Variants in DIAPH2 observed in about 807,000 individuals in gnomAD.
DIAPH2 encodes diaphanous related formin 2.
DIAPH2 carries 35 observed loss-of-function variants against 92.7 expected under a neutral mutation model. That is an observed-to-expected ratio of 0.38 (90% CI 0.29 to 0.50). The LOEUF is 0.50. Among genes scored for constraint, DIAPH2 ranks in the 20% least tolerant of loss-of-function variants. DIAPH2 has a pLI of 0.94. For missense variants in DIAPH2, 701 were observed against 819.5 expected, an observed-to-expected ratio of 0.86 and a Z score of 1.77; for synonymous variants, 301 against 280.4, an observed-to-expected ratio of 1.07 and a Z score of -0.73.
At chrX:97,232,344 C>T (rs1320445888) in intron 22 of DIAPH2, among the ~76,000 whole-genome samples, 1 of 111,638 alleles carries the variant, frequency 9.0e-6, no homozygotes, top group Non-Finnish European at 1.9e-5. Flanking sequence ...AAGCGATTCT[C>T]CTGTCTCAGC....
At chrX:96,907,927 C>G (rs1308704221) in intron 5 of DIAPH2, among the ~76,000 whole-genome samples, 1 of 111,849 alleles carries the variant, frequency 8.9e-6, no homozygotes, top group African/African-American at 3.2e-5. Flanking sequence ...TATATTCATA[C>G]AGTAACAAGG....
chrX:97,153,050 T>C (rs1602377824), intron 22 of DIAPH2, among the ~76,000 whole-genome samples: 1 of 112,024 alleles, frequency 8.9e-6, no homozygotes, highest in East Asian at 2.8e-4. Context: ...AGTTTGGCCA[T>C]ATAACCTCTC....
intron 10 of DIAPH2, among the ~76,000 whole-genome samples, chrX:96,931,057 G>A (rs2065615987): frequency 9.0e-6 from 1 of 111,613 alleles, no homozygotes; most frequent in African/African-American, 3.2e-5. Context: ...GAAGCGATGT[G>A]TTTTTGTTTT....
At chrX:97,335,857 ACTT>A (rs1461093316) in intron 23 of DIAPH2, among the ~76,000 whole-genome samples, 1 of 111,437 alleles carries the variant, frequency 9.0e-6, no homozygotes. Context: ...TGATCCTACC[ACTT>A]CTTTGTTTAA....
chrX:96,802,257 C>T (rs1369874856), intron 4 of DIAPH2, among the ~76,000 whole-genome samples: 1 of 111,588 alleles, frequency 9.0e-6, no homozygotes, highest in Non-Finnish European at 1.9e-5. Context: ...TCTAATAAGC[C>T]GTAAATATTT....
intron 11 of DIAPH2, 145 bp downstream of exon 11, chrX:96,937,496 T>A (rs2065665139): frequency 2.9e-6 from 1 of 350,837 alleles, no homozygotes; most frequent in Admixed American, 4.9e-5. Context: ...TATGATGCTG[T>A]CCTTGAGATT....
chrX:97,351,974 T>C (rs895644630), intron 24 of DIAPH2, among the ~76,000 whole-genome samples: 3 of 110,965 alleles, frequency 2.7e-5, no homozygotes, highest in Non-Finnish European at 5.7e-5. Flanking sequence ...TGTTTCATAG[T>C]GAACTTGAAG....
chrX:97,554,072 C>G (rs1437989286), intron 26 of DIAPH2, among the ~76,000 whole-genome samples: 1 of 111,301 alleles, frequency 9.0e-6, no homozygotes, highest in Non-Finnish European at 1.9e-5. Context: ...TTCATATTCT[C>G]CAGCCTCCGT....
At chrX:97,359,547 T>C (rs1367409729) in intron 24 of DIAPH2, among the ~76,000 whole-genome samples, 3 of 107,704 alleles carry the variant, frequency 2.8e-5, no homozygotes, top group Non-Finnish European at 5.7e-5. Context: ...AACTGCTTTT[T>C]AAAGATCTGA....
At chrX:96,968,574 G>T (rs2065908345) in intron 17 of DIAPH2, among the ~76,000 whole-genome samples, 1 of 111,350 alleles carries the variant, frequency 9.0e-6, no homozygotes, top group African/African-American at 3.3e-5. Flanking sequence ...TTTTTAATGG[G>T]GTTATTTGTT....
chrX:97,402,732 AAGTT>A lies in DIAPH2; in HGVS notation c.3145+18692_3145+18695del, dbSNP rs1442671760. ...TAAATCATGCTTATGTGGATGGAAA[AAGTT>A]AGTGCAGCCTCTAACGGAAGTGACT... On this transcript the variant is annotated intron_variant, in intron 25 of 26. Coordinates refer to ENST00000324765, the MANE Select transcript of DIAPH2 (RefSeq NM_006729.5). 5.5e-3 allele frequency among the ~76,000 whole-genome samples: 623 copies of A among 112,304 alleles called. 2 individuals carry two copies. The highest frequency in any genetic ancestry group is 0.019 in the African/African-American group (592 of 30,923).
chrX:97,181,057 T>G (rs1569321804), intron 22 of DIAPH2, among the ~76,000 whole-genome samples: 2 of 110,337 alleles, frequency 1.8e-5, no homozygotes, highest in Non-Finnish European at 3.8e-5. Context: ...CAATGGCAGT[T>G]TTGTTGTTGT....
chrX:97,544,157 C>T (rs2071162058), intron 26 of DIAPH2, among the ~76,000 whole-genome samples: 1 of 111,310 alleles, frequency 9.0e-6, no homozygotes, highest in Admixed American at 9.6e-5. Context: ...AATTGTCACC[C>T]CAGCACTTCA....
intron 24 of DIAPH2, among the ~76,000 whole-genome samples, chrX:97,364,415 T>C (rs1289581355): frequency 1.8e-5 from 2 of 111,929 alleles, no homozygotes; most frequent in Non-Finnish European, 3.8e-5. Flanking sequence ...AACTCAGCTT[T>C]GATTTTCCCT....
rs1372904383 is a variant in DIAPH2, at chrX:97,073,050, A to G, written c.2152+8A>G. The stretch of plus-strand genomic sequence containing the variant: ...AAACAGCTCAGAATCTGTGTATGTA[A>G]TATTTTCTTCGTAGGATTGGTATAG... On this transcript the variant is annotated splice_region_variant and intron_variant, in intron 18 of 26. Transcript: ENST00000324765. The G allele has an allele frequency of 1.8e-6, 2 of 1,136,432 alleles. No individual in the cohort carries two copies. The highest frequency in any genetic ancestry group is 2.4e-6 in the Non-Finnish European group (2 of 836,399). 93.7% of individuals were successfully genotyped at this position (1,136,432 alleles called of 1,213,427 possible). A position where few individuals can be genotyped will look rare whatever the true frequency, so the allele number is the denominator to read the frequency against.
chrX:96,849,564 T>C (rs2064994057), intron 4 of DIAPH2, among the ~76,000 whole-genome samples: 1 of 111,674 alleles, frequency 9.0e-6, no homozygotes, highest in South Asian at 3.8e-4. Flanking sequence ...TTTTTCATGA[T>C]TGCTATTAAA....
chrX:97,131,915 G>T (rs1241882341), intron 21 of DIAPH2, among the ~76,000 whole-genome samples: 1 of 111,446 alleles, frequency 9.0e-6, no homozygotes, highest in Non-Finnish European at 1.9e-5. Flanking sequence ...CACTGGTCCT[G>T]GCAATGCAGG....
chrX:97,203,075 G>A (rs142916753), intron 22 of DIAPH2, among the ~76,000 whole-genome samples: 1,176 of 111,809 alleles, frequency 0.011, 3 homozygotes, highest in Middle Eastern at 0.018. Context: ...TGACCCCTGG[G>A]TATATAACAA....
intron 22 of DIAPH2, among the ~76,000 whole-genome samples, chrX:97,213,743 G>A (rs1383682254): frequency 8.9e-6 from 1 of 112,102 alleles, no homozygotes; most frequent in Admixed American, 9.5e-5. Context: ...AGATTCAATA[G>A]ATAAACAGTT....
Sources: allele counts gnomAD v4.1 joint callset (sites outside exome capture counted in the v4.1 genomes callset), GRCh38; gene constraint gnomAD v4.1.1; transcripts MANE v1.5; gene names NCBI Gene and HGNC (gene_info 2026-07-23, HGNC 2026-07-21).